Variants in SLC35F4 observed in about 807,000 individuals in gnomAD.
SLC35F4 encodes the protein chromosome 14 open reading frame 36.
In SLC35F4, 24 loss-of-function variants were observed where a neutral mutation model predicts 44.2. The ratio of observed to expected loss-of-function variants is 0.54; its 90% CI spans 0.39 to 0.76. SLC35F4 has a LOEUF of 0.76. Among genes scored for constraint, SLC35F4 ranks in the 30% least tolerant of loss-of-function variants. The probability of loss-of-function intolerance (pLI) is 0.00; values close to 1 mark genes in which losing one functional copy is unlikely to be tolerated. For missense variants in SLC35F4, 562 were observed against 586.1 expected (o/e 0.96, Z 0.42); for synonymous variants, 238 against 223.6 (o/e 1.06, Z -0.57).
intron 1 of SLC35F4, among the ~76,000 whole-genome samples, chr14:57,861,135 CT>C (rs2141011090): frequency 6.6e-6 from 1 of 152,290 alleles, no homozygotes; most frequent in South Asian, 2.1e-4. Flanking sequence ...TTCACTCTCC[CT>C]ATTTGTTTTA....
At chr14:57,568,448 GC>G (rs1262576736) in intron 6 of SLC35F4, among the ~76,000 whole-genome samples, 2 of 152,050 alleles carry the variant, frequency 1.3e-5, no homozygotes, top group African/African-American at 4.8e-5. Flanking sequence ...TAATCTAGGT[GC>G]TTTTAATGAG....
At chr14:57,622,434 G>C (rs2072234325) in intron 1 of SLC35F4, among the ~76,000 whole-genome samples, 1 of 148,924 alleles carries the variant, frequency 6.7e-6, no homozygotes, top group South Asian at 2.2e-4. Context: ...GTCCAACAAT[G>C]ATAGACTGGA....
At chr14:57,615,174 A>C (rs555796037) in intron 1 of SLC35F4, among the ~76,000 whole-genome samples, 1 of 152,302 alleles carries the variant, frequency 6.6e-6, no homozygotes, top group South Asian at 2.1e-4. Context: ...CACCTCCTTT[A>C]AAATGTGTCT....
At chr14:57,756,474 C>T (rs542022019) in intron 1 of SLC35F4, among the ~76,000 whole-genome samples, 1 of 152,098 alleles carries the variant, frequency 6.6e-6, no homozygotes, top group East Asian at 1.9e-4. Flanking sequence ...TTTAACATTT[C>T]AGACTTATTT....
chr14:57,951,182 G>A (rs112009536), intron 1 of SLC35F4, among the ~76,000 whole-genome samples: 2 of 152,256 alleles, frequency 1.3e-5, no homozygotes, highest in African/African-American at 4.8e-5. Flanking sequence ...GCAAGCAAGA[G>A]ATCAGGGACC....
At chr14:57,959,833 A>G (rs1385221308) in intron 1 of SLC35F4, among the ~76,000 whole-genome samples, 1 of 152,200 alleles carries the variant, frequency 6.6e-6, no homozygotes, top group Non-Finnish European at 1.5e-5. Context: ...TACAATTGCT[A>G]TGGTTACTGA....
intron 3 of SLC35F4, among the ~76,000 whole-genome samples, chr14:57,582,667 A>G (rs899601302): frequency 6.6e-6 from 1 of 152,194 alleles, no homozygotes; most frequent in Non-Finnish European, 1.5e-5. Flanking sequence ...TCAAGTATTT[A>G]TGGGGTAACT....
chr14:57,667,391 G>GGTTA (rs35567531), intron 1 of SLC35F4, among the ~76,000 whole-genome samples: 86,379 of 150,608 alleles, frequency 0.57, 25,521 homozygotes, highest in African/African-American at 0.72. Flanking sequence ...ACAACGTGCA[G>GGTTA]GTTACATATG....
intron 1 of SLC35F4, among the ~76,000 whole-genome samples, chr14:57,792,547 GAT>G (rs1258459964): frequency 6.6e-6 from 1 of 151,974 alleles, no homozygotes; most frequent in African/African-American, 2.4e-5. Context: ...AAGAAAATGT[GAT>G]ATATATATGT....
chr14:57,857,092 A>G (rs1011486857), intron 1 of SLC35F4, among the ~76,000 whole-genome samples: 1 of 151,986 alleles, frequency 6.6e-6, no homozygotes, highest in African/African-American at 2.4e-5. Flanking sequence ...CCCGGCCAAC[A>G]TGGTGAAACC....
At chr14:57,674,082 A>C (rs1455226179) in intron 1 of SLC35F4, among the ~76,000 whole-genome samples, 3 of 152,134 alleles carry the variant, frequency 2.0e-5, no homozygotes, top group Non-Finnish European at 4.4e-5. Flanking sequence ...GTACATGTGC[A>C]GGTTTATTAT....
chr14:57,894,315 A>G (rs1349876597), intron 1 of SLC35F4, among the ~76,000 whole-genome samples: 1 of 152,108 alleles, frequency 6.6e-6, no homozygotes, highest in Non-Finnish European at 1.5e-5. Context: ...CTCAAAAGAA[A>G]GAATGAAGAC....
Position 57,589,202 on chromosome 14 carries a change from A to C in SLC35F4, c.587+14T>G, listed in dbSNP as rs748122777. 6.3e-7 allele frequency: 1 copy of C among 1,588,180 alleles called. No homozygotes were observed. Among genetic ancestry groups the C allele is most frequent in the Non-Finnish European group, 8.6e-7 (1 of 1,168,622 alleles). ...TTCAATGATCTCTTATTGGGCAGTT[A>C]ACATGAAACCTACCTGAATTTTTTC... On this transcript the variant is annotated intron_variant, in intron 3 of 7. Coordinates refer to ENST00000556826, the MANE Select transcript of SLC35F4 (RefSeq NM_001306087.2).
At chr14:57,748,390 C>G (rs1594952127) in intron 1 of SLC35F4, among the ~76,000 whole-genome samples, 1 of 152,202 alleles carries the variant, frequency 6.6e-6, no homozygotes, top group East Asian at 1.9e-4. Flanking sequence ...AGTTTCAATA[C>G]AGGGATCCCT....
chr14:57,885,426 G>A (rs1888626019), intron 1 of SLC35F4, among the ~76,000 whole-genome samples: 1 of 152,148 alleles, frequency 6.6e-6, no homozygotes, highest in Admixed American at 6.6e-5. Flanking sequence ...ATGTTTGACT[G>A]AATAACAGAA....
intron 1 of SLC35F4, among the ~76,000 whole-genome samples, chr14:57,959,560 G>T (rs1482465837): frequency 1.3e-5 from 2 of 152,094 alleles, no homozygotes; most frequent in Admixed American, 6.6e-5. Flanking sequence ...GCTGAATTCA[G>T]CAGACCCTAC....
chr14:57,952,335 C>T (rs1890156767), intron 1 of SLC35F4, among the ~76,000 whole-genome samples: 1 of 152,160 alleles, frequency 6.6e-6, no homozygotes, highest in African/African-American at 2.4e-5. Flanking sequence ...TGGAAAAAAA[C>T]AGCACAAAAA....
chr14:57,630,101 C>G, intron 1 of SLC35F4: 1 of 545,544 alleles, frequency 1.8e-6, no homozygotes. Flanking sequence ...GCTGAAGATG[C>G]TTACATAATT....
intron 1 of SLC35F4, among the ~76,000 whole-genome samples, chr14:57,924,553 A>T (rs771498190): frequency 9.9e-5 from 15 of 151,134 alleles, no homozygotes; most frequent in Admixed American, 2.0e-4. Context: ...GGTTCACACC[A>T]TTTTCCTGCC....
Sources: allele counts gnomAD v4.1 joint callset (sites outside exome capture counted in the v4.1 genomes callset), GRCh38; gene constraint gnomAD v4.1.1; transcripts MANE v1.5; gene names NCBI Gene and HGNC (gene_info 2026-07-23, HGNC 2026-07-21).